Variants in SLC24A4 observed in about 807,000 individuals in gnomAD.
SLC24A4 encodes solute carrier family 24 member 4, also known as sodium/potassium/calcium exchanger 4.
A neutral mutation model predicts 79.0 loss-of-function variants in SLC24A4; 53 were observed. That is an observed-to-expected ratio of 0.67 (90% confidence interval 0.54 to 0.84). The LOEUF is 0.84. SLC24A4 is among the 40% of genes least tolerant of loss of function. The pLI, the probability that SLC24A4 is intolerant of heterozygous loss-of-function variation, is 0.00. For missense variants in SLC24A4, 731 were observed against 822.0 expected, an observed-to-expected ratio of 0.89 and a Z score of 1.35; for synonymous variants, 323 against 323.8, an observed-to-expected ratio of 1.00 and a Z score of 0.03.
intron 7 of SLC24A4, among the ~76,000 whole-genome samples, chr14:92,444,526 T>A (rs1198885694): frequency 6.6e-6 from 1 of 152,208 alleles, no homozygotes; most frequent in East Asian, 1.9e-4. Flanking sequence ...AAATTAAGGA[T>A]TCACTAAAAC....
At chr14:92,460,346 T>A (rs1893730357) in intron 12 of SLC24A4, among the ~76,000 whole-genome samples, 1 of 152,128 alleles carries the variant, frequency 6.6e-6, no homozygotes, top group South Asian at 2.1e-4. Context: ...TTAGTCGAGG[T>A]CTGTGCACTG....
chr14:92,417,935 A>G (rs770963130), intron 2 of SLC24A4, among the ~76,000 whole-genome samples: 3 of 152,168 alleles, frequency 2.0e-5, no homozygotes, highest in Non-Finnish European at 4.4e-5. Context: ...CATTTCTCAG[A>G]ATGTATACCC....
At chr14:92,399,883 G>A (rs956843470) in intron 2 of SLC24A4, among the ~76,000 whole-genome samples, 4 of 152,082 alleles carry the variant, frequency 2.6e-5, no homozygotes, top group African/African-American at 9.7e-5. Context: ...TCGATGGCAG[G>A]TGGGATACAG....
intron 12 of SLC24A4, among the ~76,000 whole-genome samples, chr14:92,475,687 G>A (rs1000132834): frequency 1.3e-5 from 2 of 152,068 alleles, no homozygotes; most frequent in Admixed American, 6.5e-5. Context: ...TTGCCTAATC[G>A]AACAGAGACC....
chr14:92,356,823 C>T (rs964306943), intron 2 of SLC24A4, among the ~76,000 whole-genome samples: 5 of 152,200 alleles, frequency 3.3e-5, no homozygotes, highest in Non-Finnish European at 7.3e-5. Flanking sequence ...TGCTGGTCAC[C>T]CTCACACACA....
At chr14:92,362,471 G>T (rs1468036391) in intron 2 of SLC24A4, among the ~76,000 whole-genome samples, 2 of 152,160 alleles carry the variant, frequency 1.3e-5, no homozygotes, top group Non-Finnish European at 2.9e-5. Context: ...AGATGGACCG[G>T]TTGGGCAGGT....
intron 2 of SLC24A4, among the ~76,000 whole-genome samples, chr14:92,411,622 G>A (rs907746541): frequency 5.9e-5 from 9 of 152,162 alleles, no homozygotes; most frequent in Non-Finnish European, 2.9e-5. Context: ...CTGACCCCTT[G>A]GCCGGTGGAG....
intron 2 of SLC24A4, among the ~76,000 whole-genome samples, chr14:92,395,865 G>A (rs540948648): frequency 2.6e-5 from 4 of 152,040 alleles, no homozygotes; most frequent in South Asian, 2.1e-4. Context: ...TTGCTTTGTC[G>A]CCCAGGCTGG....
chr14:92,334,474 G>A (rs1885661349), intron 2 of SLC24A4, among the ~76,000 whole-genome samples: 1 of 152,226 alleles, frequency 6.6e-6, no homozygotes, highest in African/African-American at 2.4e-5. Flanking sequence ...TGGATTGGGA[G>A]CTGAAGGTCT....
chr14:92,470,314 T>C (rs1192678670), intron 12 of SLC24A4, among the ~76,000 whole-genome samples: 1 of 152,220 alleles, frequency 6.6e-6, no homozygotes, highest in Non-Finnish European at 1.5e-5. Flanking sequence ...ATATAAGTGC[T>C]CTGAGCTCCC....
chr14:92,345,495 G>A (rs1460563571), intron 2 of SLC24A4, among the ~76,000 whole-genome samples: 2 of 152,186 alleles, frequency 1.3e-5, no homozygotes, highest in African/African-American at 4.8e-5. Context: ...GAGGTCAGGA[G>A]TTCGAGACCA....
At chr14:92,442,440 C>T (rs1485450867) in intron 5 of SLC24A4, among the ~76,000 whole-genome samples, 1 of 152,176 alleles carries the variant, frequency 6.6e-6, no homozygotes, top group Non-Finnish European at 1.5e-5. Flanking sequence ...TATACTAAAA[C>T]CACCGAATTG....
At chr14:92,438,719 C>T (rs1320923823) in intron 3 of SLC24A4, among the ~76,000 whole-genome samples, 1 of 152,194 alleles carries the variant, frequency 6.6e-6, no homozygotes, top group Non-Finnish European at 1.5e-5. Context: ...CTCCAGGAGC[C>T]TCCATGTGTT....
intron 6 of SLC24A4, among the ~76,000 whole-genome samples, chr14:92,443,170 A>G (rs1892599810): frequency 1.3e-5 from 2 of 152,326 alleles, no homozygotes; most frequent in South Asian, 4.1e-4. Flanking sequence ...CTGCTGTGAA[A>G]CACACACTGT....
rs770415476 is a variant in SLC24A4 at position 92,492,241 on chromosome 14, G to A, written c.1716+1G>A. 9.3e-6 allele frequency: 15 copies of A among 1,613,808 alleles called. No individual in the cohort carries two copies. The highest frequency in any genetic ancestry group is 2.2e-5 in the East Asian group (1 of 44,892). Reference sequence around the variant, plus strand: ...GTTGCTGGGCTCTGTCGCTCTCACCGTGAGTCTTTACAATTCCAAAACAGA... The same window carrying A: ...GTTGCTGGGCTCTGTCGCTCTCACCATGAGTCTTTACAATTCCAAAACAGA... On this transcript the variant is annotated splice_donor_variant, in intron 16 of 16. Transcript: ENST00000532405. LOFTEE classifies it high-confidence loss of function.
intron 2 of SLC24A4, among the ~76,000 whole-genome samples, chr14:92,336,618 T>C (rs1885817478): frequency 6.6e-6 from 1 of 152,216 alleles, no homozygotes; most frequent in African/African-American, 2.4e-5. Flanking sequence ...CACCCTGTAC[T>C]GTACTAGGCT....
chr14:92,408,763 T>C (rs1279740859), intron 2 of SLC24A4, among the ~76,000 whole-genome samples: 1 of 152,246 alleles, frequency 6.6e-6, no homozygotes. Flanking sequence ...ACTTTCTCCA[T>C]TGTTCTGAAG....
chr14:92,344,049 T>C (rs541683237), intron 2 of SLC24A4, among the ~76,000 whole-genome samples: 1 of 152,316 alleles, frequency 6.6e-6, no homozygotes, highest in African/African-American at 2.4e-5. Flanking sequence ...TTGCATTTAC[T>C]TACTTCCAGA....
At chr14:92,337,297 C>A (rs1212132021) in intron 2 of SLC24A4, among the ~76,000 whole-genome samples, 1 of 152,168 alleles carries the variant, frequency 6.6e-6, no homozygotes, top group Non-Finnish European at 1.5e-5. Context: ...CATTCTTTCC[C>A]TTCTTGCCTT....
Sources: allele counts gnomAD v4.1 joint callset (sites outside exome capture counted in the v4.1 genomes callset), GRCh38; gene constraint gnomAD v4.1.1; transcripts MANE v1.5; gene names NCBI Gene and HGNC (gene_info 2026-07-23, HGNC 2026-07-21).